The following BRCC3 variants were observed in gnomAD, a reference collection of about 807,000 sequenced individuals.
BRCC3 encodes lys-63-specific deubiquitinase BRCC36.
BRCC3 carries 15 observed loss-of-function variants against 28.0 expected under a neutral mutation model. The observed-to-expected ratio is 0.54, with a 90% CI of 0.36 to 0.82. The LOEUF is 0.82. BRCC3 is among the 40% of genes least tolerant of loss of function. The pLI is 0.01. For missense variants in BRCC3, 109 were observed against 225.9 expected (o/e 0.48, Z 3.32); for synonymous variants, 66 against 80.3 (o/e 0.82, Z 0.95).
intron 5 of BRCC3, among the ~76,000 whole-genome samples, chrX:155,080,439 G>A (rs782141002): frequency 7.4e-5 from 7 of 94,875 alleles, no homozygotes; most frequent in Admixed American, 1.2e-4. Context: ...ACAGTAGTGG[G>A]AACATTTCAA....
intron 9 of BRCC3, 85 bp downstream of exon 9, chrX:155,116,839 T>C: frequency 4.4e-6 from 3 of 682,786 alleles, no homozygotes; most frequent in Non-Finnish European, 6.8e-6. Flanking sequence ...TTAGTTTAAG[T>C]GAGTGAAGTG....
chrX:155,091,204 C>A (rs1557295613), intron 7 of BRCC3, among the ~76,000 whole-genome samples: 2 of 111,582 alleles, frequency 1.8e-5, no homozygotes, highest in African/African-American at 6.5e-5. Flanking sequence ...TTTGCTGTGT[C>A]ATAAACTTGA....
At chrX:155,107,000 A>G (rs2074288873) in intron 7 of BRCC3, among the ~76,000 whole-genome samples, 2 of 111,831 alleles carry the variant, frequency 1.8e-5, no homozygotes, top group Admixed American at 1.9e-4. Flanking sequence ...TATTTTGTAT[A>G]TTTGTGCTAT....
chrX:155,101,978 C>T (rs782121551), intron 7 of BRCC3, among the ~76,000 whole-genome samples: 2 of 112,342 alleles, frequency 1.8e-5, no homozygotes, highest in Non-Finnish European at 3.8e-5. Context: ...AGCCATGTCA[C>T]AGCATGTATC....
intron 6 of BRCC3, 118 bp from the exon 7 acceptor site, chrX:155,090,666 G>A (rs781999679): frequency 1.9e-6 from 1 of 530,489 alleles, no homozygotes; most frequent in Non-Finnish European, 3.2e-6. Flanking sequence ...TTAATTTATG[G>A]CATATTCCAT....
rs782542068 is a variant in BRCC3, at chrX:155,105,392, A to G, written c.549-10665A>G. Among the ~76,000 whole-genome samples, 11 of 111,855 alleles carry G rather than the reference A, an allele frequency of 9.8e-5. No individual in the cohort carries two copies. The South Asian group carries it at 4.2e-3, about 42-fold the overall frequency. ...CAGCTACTCGGGAGGCTGAGGCAGG[A>G]GAATTGCTTGAACCCGGGAGGCGGA... On this transcript the variant is annotated intron_variant, in intron 7 of 10. Coordinates refer to ENST00000330045, the MANE Select transcript of BRCC3 (RefSeq NM_001018055.3).
chrX:155,118,327 A>G (rs2074369979), intron 9 of BRCC3, among the ~76,000 whole-genome samples: 1 of 111,666 alleles, frequency 9.0e-6, no homozygotes, highest in Non-Finnish European at 1.9e-5. Flanking sequence ...AAAAGGCTAC[A>G]TACTCCATGG....
At chrX:155,096,130 T>C (rs782121232) in intron 7 of BRCC3, among the ~76,000 whole-genome samples, 15 of 112,190 alleles carry the variant, frequency 1.3e-4, no homozygotes, top group Admixed American at 3.8e-4. Context: ...TCTGAAAGAA[T>C]TTGAAAACAT....
rs2074063637 is a variant in BRCC3, at chrX:155,078,687, T to C, written c.387T>C (p.Val129=). Reference sequence around the variant, plus strand: ...ATCATTCCCATCCTCATATAACTGTTTGGCCTTCACATGTTGGTAAGTATC... The same window carrying C: ...ATCATTCCCATCCTCATATAACTGTCTGGCCTTCACATGTTGGTAAGTATC... ...GWYHSHPHIT[V]WPSHVDVRTQ... The change falls in exon 5 of 11, where the codon GTT becomes GTC. Residue 129 remains valine (V), a synonymous_variant. Transcript: ENST00000330045. The C allele has an allele frequency of 8.4e-7, 1 of 1,189,639 alleles. No homozygotes were observed. The highest frequency in any genetic ancestry group is 3.0e-5 in the East Asian group (1 of 33,452).
rs187835337 is a variant in BRCC3, at chrX:155,113,551, A to G, written c.549-2506A>G. Among the ~76,000 whole-genome samples, 22 of 111,699 alleles carry G rather than the reference A, an allele frequency of 2.0e-4. No individual in the cohort carries two copies. The East Asian group carries it at 4.8e-3, about 24-fold the overall frequency. On this transcript the variant is annotated intron_variant, in intron 7 of 10. Transcript: ENST00000330045. Reference sequence around the variant, plus strand: ...CCGAACTACAAAACTAGCAGAAAACATAGGGAAAAAGCTTCATGACATTGG... The same window carrying G: ...CCGAACTACAAAACTAGCAGAAAACGTAGGGAAAAAGCTTCATGACATTGG...
intron 7 of BRCC3, among the ~76,000 whole-genome samples, chrX:155,097,072 A>G (rs2074214634): frequency 8.9e-6 from 1 of 112,306 alleles, no homozygotes; most frequent in African/African-American, 3.2e-5. Flanking sequence ...AGCAGAGGAA[A>G]CACTGCTTGA....
chrX:155,079,664 G>A (rs1557294005), intron 5 of BRCC3, among the ~76,000 whole-genome samples: 1 of 111,174 alleles, frequency 9.0e-6, no homozygotes, highest in African/African-American at 3.3e-5. Flanking sequence ...GGGAGTAGGT[G>A]TTAGGTGGGG....
At chrX:155,087,027 TGA>T (rs781799971) in intron 5 of BRCC3, among the ~76,000 whole-genome samples, 1 of 111,597 alleles carries the variant, frequency 9.0e-6, no homozygotes, top group Admixed American at 9.4e-5. Flanking sequence ...GCAGAATGCC[TGA>T]GAGAATTTCT....
chrX:155,073,679 G>A (rs2074006457), intron 3 of BRCC3, among the ~76,000 whole-genome samples: 2 of 111,467 alleles, frequency 1.8e-5, no homozygotes, highest in Admixed American at 1.9e-4. Flanking sequence ...TGCTGTCACT[G>A]CCTGTTTTCT....
intron 5 of BRCC3, among the ~76,000 whole-genome samples, chrX:155,088,525 G>A (rs5987086): frequency 0.047 from 5,204 of 109,751 alleles, 308 homozygotes; most frequent in African/African-American, 0.16. Flanking sequence ...AGCTAATTTT[G>A]AATTTTTAGT....
At chrX:155,072,090 G>C (rs190295808) in intron 1 of BRCC3, among the ~76,000 whole-genome samples, 1 of 112,126 alleles carries the variant, frequency 8.9e-6, no homozygotes, top group Non-Finnish European at 1.9e-5. Context: ...GAAGGGTATC[G>C]AAGAGCCTAA....
intron 4 of BRCC3, among the ~76,000 whole-genome samples, chrX:155,077,579 A>G (rs1557293782): frequency 2.7e-5 from 3 of 111,263 alleles, no homozygotes; most frequent in Non-Finnish European, 5.7e-5. Context: ...TCTTCTCTCC[A>G]TTCCTCCCTG....
At chrX:155,100,900 T>G (rs781850601) in intron 7 of BRCC3, among the ~76,000 whole-genome samples, 1 of 110,171 alleles carries the variant, frequency 9.1e-6, no homozygotes, top group East Asian at 2.8e-4. Context: ...TATAATAATT[T>G]TTTTTTTTTT....
At chrX:155,116,234 CTCTCT>C in intron 8 of BRCC3, 46 bp downstream of exon 8, 2 of 1,112,604 alleles carry the variant, frequency 1.8e-6, no homozygotes, top group Non-Finnish European at 2.4e-6. Context: ...AGGACCTAGT[CTCTCT>C]TTTCTTCTTC....
Sources: allele counts gnomAD v4.1 joint callset (sites outside exome capture counted in the v4.1 genomes callset), GRCh38; gene constraint gnomAD v4.1.1; transcripts MANE v1.5; gene names NCBI Gene and HGNC (gene_info 2026-07-23, HGNC 2026-07-21).